Variants in PLCB4 observed in about 807,000 individuals in gnomAD.
The protein encoded by PLCB4 is phospholipase C beta 4, also known as 1-phosphatidylinositol 4,5-bisphosphate phosphodiesterase beta-4.
Under a neutral mutation model 178.8 loss-of-function variants are expected in PLCB4, and 77 were observed. The observed-to-expected ratio is 0.43, with a 90% confidence interval of 0.36 to 0.52. The LOEUF (loss-of-function observed/expected upper bound fraction) is 0.52, where lower values mean the gene tolerates loss of function less well. PLCB4 is among the 20% of genes least tolerant of loss of function. The probability of loss-of-function intolerance (pLI) is 0.00; values close to 1 mark genes in which losing one functional copy is unlikely to be tolerated. For missense variants in PLCB4, 1,024 were observed against 1,453.4 expected (o/e 0.70, Z 4.80); for synonymous variants, 496 against 490.8 (o/e 1.01, Z -0.14).
chr20:9,402,931 G>A (rs1199171805), intron 20 of PLCB4, among the ~76,000 whole-genome samples: 1 of 152,160 alleles, frequency 6.6e-6, no homozygotes, highest in Non-Finnish European at 1.5e-5. Flanking sequence ...ATTGCCATCT[G>A]ACTCTTTCTC....
intron 7 of PLCB4, among the ~76,000 whole-genome samples, chr20:9,355,814 T>G (rs917107060): frequency 6.6e-6 from 1 of 152,096 alleles, no homozygotes; most frequent in Non-Finnish European, 1.5e-5. Context: ...ATATACCCAG[T>G]AATGGGATGG....
chr20:9,388,535 A>G (rs1358251234), intron 15 of PLCB4, among the ~76,000 whole-genome samples: 2 of 152,214 alleles, frequency 1.3e-5, no homozygotes, highest in Non-Finnish European at 2.9e-5. Flanking sequence ...CCTGGCCAAC[A>G]TGGTGAAACC....
chr20:9,354,686 A>G (rs1043889139), intron 7 of PLCB4, among the ~76,000 whole-genome samples: 3 of 152,202 alleles, frequency 2.0e-5, no homozygotes, highest in Non-Finnish European at 4.4e-5. Context: ...AAGATATGCA[A>G]TTTGTGTAGA....
At chr20:9,473,470 G>A (rs2044327167) in intron 38 of PLCB4, 105 bp downstream of exon 38, 2 of 529,454 alleles carry the variant, frequency 3.8e-6, no homozygotes, top group Non-Finnish European at 6.8e-6. Flanking sequence ...TAATTGAAAG[G>A]TAGATAGAAG....
At chr20:9,122,172 A>G (rs1228974454) in intron 2 of PLCB4, among the ~76,000 whole-genome samples, 12 of 152,158 alleles carry the variant, frequency 7.9e-5, no homozygotes, top group African/African-American at 1.2e-4. Flanking sequence ...CTGATTGTAA[A>G]AGTGGTGCTT....
intron 4 of PLCB4, among the ~76,000 whole-genome samples, chr20:9,332,445 GCTGATTAC>G (rs1444315703): frequency 1.3e-5 from 2 of 151,646 alleles, no homozygotes; most frequent in African/African-American, 4.9e-5. Context: ...GTTCCTTTCA[GCTGATTAC>G]CTCTCATCCC....
chr20:9,338,788 C>A, intron 6 of PLCB4, 106 bp from the exon 7 acceptor site: 1 of 789,486 alleles, frequency 1.3e-6, no homozygotes, highest in Admixed American at 2.4e-5. Flanking sequence ...GTGTCTGGGC[C>A]CTTATGTTTA....
intron 3 of PLCB4, among the ~76,000 whole-genome samples, chr20:9,223,125 C>T (rs6118533): frequency 0.036 from 5,447 of 151,982 alleles, 145 homozygotes; most frequent in African/African-American, 0.065. Context: ...GAGGGAATTT[C>T]AATGGGAAAA....
chr20:9,437,995 G>A (rs4588256), intron 30 of PLCB4, among the ~76,000 whole-genome samples: 15,727 of 152,086 alleles, frequency 0.1, 899 homozygotes, highest in East Asian at 0.15. Context: ...GAAGTAAAGC[G>A]CTGTTTAATG....
At chr20:9,385,656 A>G (rs563751745) in intron 14 of PLCB4, among the ~76,000 whole-genome samples, 3 of 130,284 alleles carry the variant, frequency 2.3e-5, no homozygotes, top group Admixed American at 7.8e-5. Context: ...CACCTCCCAG[A>G]TGGGGTGGTG....
rs538782776 is a variant in PLCB4, at chr20:9,297,286, C to A, written c.-15-10514C>A. Among the ~76,000 whole-genome samples the A allele has an allele frequency of 2.0e-4, 31 of 151,970 alleles. No homozygotes were observed. In the South Asian group the frequency reaches 5.2e-3, roughly 25 times the overall value. Reference sequence around the variant, plus strand: ...TAAAAATGATTAATATGTGTGTACACGTGTTCTCACTCATAAGTGGGAGCC... The same window carrying A: ...TAAAAATGATTAATATGTGTGTACAAGTGTTCTCACTCATAAGTGGGAGCC... On this transcript the variant is annotated intron_variant, in intron 3 of 39. Transcript: ENST00000378473.
At chr20:9,230,360 A>C (rs943909551) in intron 3 of PLCB4, among the ~76,000 whole-genome samples, 1 of 152,106 alleles carries the variant, frequency 6.6e-6, no homozygotes, top group Non-Finnish European at 1.5e-5. Flanking sequence ...TTTTGTCCAT[A>C]ATAAGCAGTA....
At chr20:9,442,269 G>A (rs2042152794) in intron 30 of PLCB4, among the ~76,000 whole-genome samples, 1 of 152,184 alleles carries the variant, frequency 6.6e-6, no homozygotes, top group South Asian at 2.1e-4. Flanking sequence ...ATGGCTAGAG[G>A]CCGTCAGTTG....
chr20:9,437,902 G>A (rs1266882594), intron 30 of PLCB4, among the ~76,000 whole-genome samples: 1 of 152,142 alleles, frequency 6.6e-6, no homozygotes. Flanking sequence ...AGAGAAAGAG[G>A]TCATTGCAGA....
At chr20:9,462,142 G>A (rs2122493290) in intron 35 of PLCB4, among the ~76,000 whole-genome samples, 2 of 152,290 alleles carry the variant, frequency 1.3e-5, no homozygotes, top group East Asian at 3.9e-4. Context: ...TGGACCTCCA[G>A]CAAACTCCAA....
chr20:9,282,421 G>A (rs535185231), intron 3 of PLCB4, among the ~76,000 whole-genome samples: 48 of 152,124 alleles, frequency 3.2e-4, no homozygotes, highest in African/African-American at 1.1e-3. Context: ...CAGAGTCACA[G>A]ATGGTTTGCT....
intron 2 of PLCB4, among the ~76,000 whole-genome samples, chr20:9,216,357 A>G (rs931350384): frequency 6.6e-6 from 1 of 152,010 alleles, no homozygotes; most frequent in Non-Finnish European, 1.5e-5. Flanking sequence ...AGCTGGGACT[A>G]CAGGCGCCTG....
At chr20:9,196,570 T>C (rs2093475059) in intron 2 of PLCB4, among the ~76,000 whole-genome samples, 1 of 152,138 alleles carries the variant, frequency 6.6e-6, no homozygotes, top group African/African-American at 2.4e-5. Flanking sequence ...GATGTTTGGG[T>C]GGACAATTTA....
intron 2 of PLCB4, among the ~76,000 whole-genome samples, chr20:9,197,888 T>C (rs538680881): frequency 6.6e-6 from 1 of 152,230 alleles, no homozygotes; most frequent in South Asian, 2.1e-4. Flanking sequence ...GGCAGGAGAA[T>C]TGCTGGAACC....
Sources: allele counts gnomAD v4.1 joint callset (sites outside exome capture counted in the v4.1 genomes callset), GRCh38; gene constraint gnomAD v4.1.1; transcripts MANE v1.5; gene names NCBI Gene and HGNC (gene_info 2026-07-23, HGNC 2026-07-21).